The following DNM3 variants were observed in gnomAD, a reference collection of about 807,000 sequenced individuals.
DNM3 encodes the protein dynamin-3.
Under a neutral mutation model 101.6 loss-of-function variants are expected in DNM3, and 47 were observed. The ratio of observed to expected loss-of-function variants is 0.46; its 90% CI spans 0.37 to 0.59. The LOEUF (loss-of-function observed/expected upper bound fraction) is 0.59. Among genes scored for constraint, DNM3 ranks in the 20% least tolerant of loss-of-function variants. The probability of loss-of-function intolerance (pLI) is 0.00; values close to 1 mark genes in which losing one functional copy is unlikely to be tolerated. For synonymous variants in DNM3, 385 were observed against 387.9 expected, an observed-to-expected ratio of 0.99 and a Z score of 0.09; for missense variants, 849 against 1,085.7, an observed-to-expected ratio of 0.78 and a Z score of 3.06.
At chr1:172,154,284 T>G (rs899626866) in intron 14 of DNM3, among the ~76,000 whole-genome samples, 1 of 143,548 alleles carries the variant, frequency 7.0e-6, no homozygotes, top group African/African-American at 2.7e-5. Context: ...AAAATCACCT[T>G]CCTAGTTTAC....
chr1:172,314,239 G>T (rs1339538715), intron 16 of DNM3, among the ~76,000 whole-genome samples: 1 of 152,200 alleles, frequency 6.6e-6, no homozygotes, highest in Non-Finnish European at 1.5e-5. Flanking sequence ...TAAAGAAAAT[G>T]TGGCACAGGG....
chr1:172,403,274 G>T (rs2070642484), intron 20 of DNM3, among the ~76,000 whole-genome samples: 1 of 152,096 alleles, frequency 6.6e-6, no homozygotes, highest in Non-Finnish European at 1.5e-5. Context: ...GGACAGAAAG[G>T]CCAATCCATT....
chr1:171,958,581 G>A (rs569400982), intron 2 of DNM3, among the ~76,000 whole-genome samples: 43 of 152,294 alleles, frequency 2.8e-4, no homozygotes, highest in African/African-American at 9.4e-4. Flanking sequence ...TCCATCAAAG[G>A]TGTTGGAGCA....
chr1:172,166,079 G>A (rs2058733104), intron 14 of DNM3, among the ~76,000 whole-genome samples: 1 of 151,960 alleles, frequency 6.6e-6, no homozygotes, highest in Non-Finnish European at 1.5e-5. Context: ...TAATACTCAG[G>A]GGTATTGCAC....
At position 172,180,900 on chromosome 1, in the gene DNM3, T is replaced by C. The variant is rs530738626; in HGVS notation, c.1659+49612T>C. ...TATCTAATAGTTTATTTCCTACTCA[T>C]GGATATAAGGCAAAATAACATTAAA... On this transcript the variant is annotated intron_variant, in intron 14 of 20. Coordinates refer to ENST00000627582, the MANE Select transcript of DNM3 (RefSeq NM_015569.5). Among the ~76,000 whole-genome samples, 7 of 152,222 alleles carry C rather than the reference T, an allele frequency of 4.6e-5. No homozygotes were observed. In the East Asian group the frequency reaches 5.8e-4, roughly 13 times the overall value.
At chr1:172,333,614 A>T (rs1190359641) in intron 17 of DNM3, among the ~76,000 whole-genome samples, 1 of 152,186 alleles carries the variant, frequency 6.6e-6, no homozygotes, top group Non-Finnish European at 1.5e-5. Flanking sequence ...AACTTGATGC[A>T]TATTATCTTA....
intron 1 of DNM3, among the ~76,000 whole-genome samples, chr1:171,853,624 G>A (rs982551518): frequency 6.6e-6 from 1 of 151,874 alleles, no homozygotes; most frequent in Non-Finnish European, 1.5e-5. Context: ...AACACATCTT[G>A]TAATTTCTTT....
chr1:172,388,169 G>A (rs929561080), intron 19 of DNM3, among the ~76,000 whole-genome samples: 1 of 152,002 alleles, frequency 6.6e-6, no homozygotes, highest in African/African-American at 2.4e-5. Flanking sequence ...AGGAGTCAGA[G>A]GTTGCAGTGA....
Position 171,875,813 on chromosome 1 carries a change from C to CTTTTTT in DNM3, c.161+34007_161+34012dup, listed in dbSNP as rs60523795. On this transcript the variant is annotated intron_variant, in intron 1 of 20. Transcript: ENST00000627582. Reference sequence around the variant, plus strand: ...CAAGTCTAAAAAAAGAGTTGTCTCTCTTTTTTTTTTTTTTTTGAGATGGAG... The same window carrying CTTTTTT: ...CAAGTCTAAAAAAAGAGTTGTCTCTCTTTTTTTTTTTTTTTTTTTTTTGAGATGGAG... Among the ~76,000 whole-genome samples, 51 of 104,674 alleles carry CTTTTTT rather than the reference C, an allele frequency of 4.9e-4. 6 individuals are homozygous for CTTTTTT. The highest frequency in any genetic ancestry group is 7.2e-4 in the Admixed American group (7 of 9,786). The allele number at this position is 104,674 out of a possible 152,430, so 68.7% of individuals were successfully genotyped here. A position where few individuals can be genotyped will look rare whatever the true frequency, so the allele number is the denominator to read the frequency against.
intron 11 of DNM3, among the ~76,000 whole-genome samples, chr1:172,071,366 G>T (rs1158846235): frequency 2.0e-5 from 3 of 151,768 alleles, no homozygotes; most frequent in Non-Finnish European, 4.4e-5. Context: ...AGCTGGTAGT[G>T]GTCACCTCTA....
intron 14 of DNM3, among the ~76,000 whole-genome samples, chr1:172,208,831 G>A (rs973178361): frequency 6.6e-6 from 1 of 152,074 alleles, no homozygotes; most frequent in South Asian, 2.1e-4. Context: ...AGATTTCAAA[G>A]CACTTGCACG....
At position 171,933,519 on chromosome 1, in the gene DNM3, G is replaced by A. The variant is rs544965496; in HGVS notation, c.235+11698G>A. 1.8e-4 allele frequency among the ~76,000 whole-genome samples: 27 copies of A among 152,270 alleles called. No homozygotes were observed. The South Asian group carries it at 4.8e-3, about 27-fold the overall frequency. On this transcript the variant is annotated intron_variant, in intron 2 of 20. Coordinates refer to ENST00000627582, the MANE Select transcript of DNM3 (RefSeq NM_015569.5). ...TAAAGAAAGTGAGTGTTCAAGCCAC[G>A]CTGATATTTATGTAGGCAGAGGTAA...
At chr1:171,847,545 AAG>A (rs2032316181) in intron 1 of DNM3, among the ~76,000 whole-genome samples, 2 of 151,862 alleles carry the variant, frequency 1.3e-5, no homozygotes, top group Admixed American at 1.3e-4. Flanking sequence ...AGGAAAAAAA[AAG>A]AGATTGGAGA....
chr1:171,984,082 C>T (rs371519255), intron 2 of DNM3, among the ~76,000 whole-genome samples: 19 of 152,156 alleles, frequency 1.2e-4, no homozygotes, highest in African/African-American at 4.3e-4. Context: ...TCAGCAAATT[C>T]TGTTGCTTTT....
At chr1:172,147,280 A>C (rs2057949707) in intron 14 of DNM3, among the ~76,000 whole-genome samples, 1 of 152,180 alleles carries the variant, frequency 6.6e-6, no homozygotes. Context: ...TTCTGCTCTG[A>C]AAAGTCCTTG....
At chr1:172,133,319 A>T (rs768126910) in intron 14 of DNM3, 1 of 1,013,390 alleles carries the variant, frequency 9.9e-7, no homozygotes, top group Non-Finnish European at 1.2e-6. Flanking sequence ...TTACAAAATC[A>T]CTGCCCTTGT....
chr1:172,362,909 T>C (rs1444663306), intron 17 of DNM3, among the ~76,000 whole-genome samples: 1 of 151,882 alleles, frequency 6.6e-6, no homozygotes, highest in Non-Finnish European at 1.5e-5. Context: ...ACTGCCTTTT[T>C]CTTGAAAGCT....
intron 4 of DNM3, among the ~76,000 whole-genome samples, chr1:172,005,463 G>A (rs1437569286): frequency 1.3e-5 from 2 of 152,016 alleles, no homozygotes; most frequent in South Asian, 4.1e-4. Flanking sequence ...ACTCAGCAAT[G>A]TTGACCATTG....
At chr1:172,296,419 T>C (rs1000228587) in intron 15 of DNM3, among the ~76,000 whole-genome samples, 38 of 152,232 alleles carry the variant, frequency 2.5e-4, no homozygotes, top group Non-Finnish European at 1.2e-4. Flanking sequence ...ATTTCCAGGT[T>C]TGAACCTGGG....
Sources: gnomAD v4.1 joint callset for allele counts (sites outside exome capture counted in the v4.1 genomes callset) on GRCh38, gnomAD v4.1.1 for gene constraint, MANE v1.5 for transcripts, NCBI Gene and HGNC (gene_info 2026-07-23, HGNC 2026-07-21) for gene names.